NOL4: variants seen among roughly 807,000 people sequenced by gnomAD.
NOL4 encodes the protein nucleolar protein 4, also known as cancer/testis antigen 125.
A neutral mutation model predicts 75.9 loss-of-function variants in NOL4; 17 were observed. The observed-to-expected ratio is 0.22, with a 90% CI of 0.15 to 0.34. The LOEUF (loss-of-function observed/expected upper bound fraction) is 0.34. Ranked by LOEUF, NOL4 falls within the 10% of genes least tolerant of loss-of-function variation. The pLI is 1.00. For synonymous variants in NOL4, 292 were observed against 289.9 expected, an observed-to-expected ratio of 1.01 and a Z score of -0.07; for missense variants, 614 against 793.5, an observed-to-expected ratio of 0.77 and a Z score of 2.72.
chr18:34,124,935 T>C lies in NOL4; in HGVS notation c.414+4936A>G, dbSNP rs372501731. Among the ~76,000 whole-genome samples the C allele has an allele frequency of 6.6e-5, 10 of 151,662 alleles. No homozygotes were observed. In the East Asian group the frequency reaches 1.9e-3, roughly 29 times the overall value. Reference sequence around the variant, plus strand: ...AAAAAAAAAAATCAGACAGGTCCTATGCTAACTGGGAGGTCAATAGATTGC... The same window carrying C: ...AAAAAAAAAAATCAGACAGGTCCTACGCTAACTGGGAGGTCAATAGATTGC... On this transcript the variant is annotated intron_variant, in intron 2 of 10. Transcript: ENST00000261592.
intron 10 of NOL4, among the ~76,000 whole-genome samples, chr18:33,874,050 G>A (rs1331987464): frequency 6.6e-6 from 1 of 151,894 alleles, no homozygotes; most frequent in African/African-American, 2.4e-5. Flanking sequence ...GATTTCTCTG[G>A]ATGTCTAGAT....
At chr18:33,939,775 C>T (rs1310457879) in intron 9 of NOL4, among the ~76,000 whole-genome samples, 2 of 152,038 alleles carry the variant, frequency 1.3e-5, no homozygotes, top group Non-Finnish European at 2.9e-5. Context: ...CTTTCTCTTG[C>T]CTGATTGCCC....
chr18:33,957,563 C>A, intron 7 of NOL4, 46 bp from the exon 8 acceptor site: 1 of 1,422,596 alleles, frequency 7.0e-7, no homozygotes, highest in South Asian at 1.3e-5. Flanking sequence ...GAGGGCTGCT[C>A]TCTTCTGTTC....
At chr18:33,894,170 T>G (rs1475824187) in intron 9 of NOL4, among the ~76,000 whole-genome samples, 1 of 152,104 alleles carries the variant, frequency 6.6e-6, no homozygotes, top group African/African-American at 2.4e-5. Flanking sequence ...CAGAACTAAG[T>G]AAATTGCTGA....
At chr18:34,134,352 A>G (rs34574931) in intron 1 of NOL4, among the ~76,000 whole-genome samples, 3 of 151,646 alleles carry the variant, frequency 2.0e-5, no homozygotes, top group African/African-American at 7.3e-5. Flanking sequence ...AAATATAATT[A>G]AAAAAGAGAC....
intron 6 of NOL4, among the ~76,000 whole-genome samples, chr18:33,996,220 C>T (rs1451787166): frequency 6.6e-6 from 1 of 151,544 alleles, no homozygotes; most frequent in Non-Finnish European, 1.5e-5. Flanking sequence ...AGAAAGAAAA[C>T]CAACTTTATT....
intron 1 of NOL4, among the ~76,000 whole-genome samples, chr18:34,167,224 G>C (rs2146231953): frequency 6.6e-6 from 1 of 151,982 alleles, no homozygotes. Flanking sequence ...TTCTATCAGG[G>C]AATTGAGCAT....
Position 33,883,132 on chromosome 18 carries a change from A to G in NOL4, c.1723+112T>C, listed in dbSNP as rs919723868. 4.7e-5 allele frequency: 34 copies of G among 720,028 alleles called. No homozygotes were observed. The African/African-American group carries it at 5.5e-4, about 12-fold the overall frequency. 44.6% of individuals were successfully genotyped at this position (720,028 alleles called of 1,614,324 possible). A position where few individuals can be genotyped will look rare whatever the true frequency, so the allele number is the denominator to read the frequency against. ...GATGATGAGTTAGTGGGTGCAGCGC[A>G]CCAGCATGGCACATGTATACATATG... On this transcript the variant is annotated intron_variant, in intron 10 of 10. Transcript: ENST00000261592.
At chr18:34,024,194 A>AAAAAATAT in intron 5 of NOL4, among the ~76,000 whole-genome samples, 3 of 70,662 alleles carry the variant, frequency 4.2e-5, no homozygotes, top group African/African-American at 1.6e-4. Flanking sequence ...AAAAAAAAAA[A>AAAAAATAT]ATATATATAT....
intron 6 of NOL4, among the ~76,000 whole-genome samples, chr18:34,004,438 T>G (rs950554090): frequency 6.6e-6 from 1 of 152,096 alleles, no homozygotes. Flanking sequence ...TTATAACACA[T>G]GTAATGACAG....
chr18:34,154,704 A>G (rs1267417486), intron 1 of NOL4, among the ~76,000 whole-genome samples: 1 of 151,862 alleles, frequency 6.6e-6, no homozygotes, highest in Non-Finnish European at 1.5e-5. Flanking sequence ...ATATATATAT[A>G]TATCTTTGTA....
At chr18:33,913,912 T>C (rs2066555938) in intron 9 of NOL4, among the ~76,000 whole-genome samples, 1 of 152,026 alleles carries the variant, frequency 6.6e-6, no homozygotes, top group Non-Finnish European at 1.5e-5. Context: ...AGACAAAGGG[T>C]AATAGTCACT....
intron 10 of NOL4, among the ~76,000 whole-genome samples, chr18:33,864,959 T>G (rs1232766073): frequency 6.6e-6 from 1 of 152,136 alleles, no homozygotes; most frequent in Non-Finnish European, 1.5e-5. Flanking sequence ...GAGAACAGCA[T>G]GAGGGAAACC....
intron 5 of NOL4, among the ~76,000 whole-genome samples, chr18:34,057,844 C>A (rs1431937683): frequency 6.6e-6 from 1 of 152,114 alleles, no homozygotes; most frequent in East Asian, 1.9e-4. Flanking sequence ...GTGTAAGTTA[C>A]TAACACATTT....
At chr18:34,180,534 T>C (rs1280604912) in intron 1 of NOL4, among the ~76,000 whole-genome samples, 1 of 151,508 alleles carries the variant, frequency 6.6e-6, no homozygotes, top group Admixed American at 6.6e-5. Context: ...TTAAGCATAA[T>C]ATCCCCCCAA....
chr18:34,017,693 T>C (rs749951844), intron 6 of NOL4, among the ~76,000 whole-genome samples: 7 of 152,182 alleles, frequency 4.6e-5, no homozygotes, highest in Non-Finnish European at 8.8e-5. Flanking sequence ...TCATCTTATT[T>C]GATTTCTCAA....
intron 1 of NOL4, among the ~76,000 whole-genome samples, chr18:34,176,079 A>G (rs1398962306): frequency 2.0e-5 from 3 of 152,126 alleles, no homozygotes; most frequent in African/African-American, 7.2e-5. Flanking sequence ...GCTAAAGAAG[A>G]GTATAAGAAC....
intron 1 of NOL4, among the ~76,000 whole-genome samples, chr18:34,141,993 A>C (rs1422497332): frequency 6.6e-6 from 1 of 152,182 alleles, no homozygotes; most frequent in Admixed American, 6.6e-5. Flanking sequence ...CAAAAAAAAC[A>C]AACAACCCCA....
At chr18:34,042,541 T>C (rs951053280) in intron 5 of NOL4, among the ~76,000 whole-genome samples, 5 of 151,944 alleles carry the variant, frequency 3.3e-5, no homozygotes, top group African/African-American at 1.2e-4. Context: ...ATAGACTAAA[T>C]GCTTCTGAAA....
Sources: gnomAD v4.1 joint callset for allele counts (sites outside exome capture counted in the v4.1 genomes callset) on GRCh38, gnomAD v4.1.1 for gene constraint, MANE v1.5 for transcripts, NCBI Gene and HGNC (gene_info 2026-07-23, HGNC 2026-07-21) for gene names.